C1QTNF3: variants seen among roughly 807,000 people sequenced by gnomAD.
C1QTNF3 encodes the protein complement C1q tumor necrosis factor-related protein 3.
Under a neutral mutation model 32.6 loss-of-function variants are expected in C1QTNF3, and 26 were observed. That is an observed-to-expected ratio of 0.80 (90% CI 0.58 to 1.11). The LOEUF (loss-of-function observed/expected upper bound fraction) is 1.11, where lower values mean the gene tolerates loss of function less well. C1QTNF3 is among the 50% of genes least tolerant of loss of function. The pLI is 0.00. For missense variants in C1QTNF3, 362 were observed against 398.2 expected (o/e 0.91, Z 0.77); for synonymous variants, 155 against 146.0 (o/e 1.06, Z -0.44).
rs1256595254 is a variant in C1QTNF3 at position 34,017,952 on chromosome 5, TTAAA to T, written c.*2627_*2630del. On this transcript the variant is annotated 3_prime_UTR_variant, in exon 6 of 6. Coordinates refer to ENST00000382065, the MANE Select transcript of C1QTNF3 (RefSeq NM_181435.6). ...AATAATATTTTCCAAAACAGGAAAGTTAAATAAATTATGCAGTCATTAAAATTAT... is the reference window on the plus strand; with the variant it reads ...AATAATATTTTCCAAAACAGGAAAGTTAAATTATGCAGTCATTAAAATTAT... Among the ~76,000 whole-genome samples, 1 of 152,046 alleles carries T rather than the reference TTAAA, an allele frequency of 6.6e-6. No individual in the cohort carries two copies. The highest frequency in any genetic ancestry group is 6.5e-5 in the Admixed American group (1 of 15,268).
chr5:34,051,523 AATTAATGG>A, the C1QTNF3 span, among the ~76,000 whole-genome samples: 1 of 152,304 alleles, frequency 6.6e-6, no homozygotes, highest in East Asian at 1.9e-4. Context: ...ATATAAACCA[AATTAATGG>A]ATTAAGTATG....
the C1QTNF3 span, among the ~76,000 whole-genome samples, chr5:34,214,259 A>G: frequency 1.3e-5 from 2 of 152,106 alleles, no homozygotes; most frequent in African/African-American, 4.8e-5. Context: ...AAAATTAAGA[A>G]TTGTATTAAA....
the C1QTNF3 span, among the ~76,000 whole-genome samples, chr5:34,219,433 A>G: frequency 6.6e-6 from 1 of 151,960 alleles, no homozygotes; most frequent in Non-Finnish European, 1.5e-5. Context: ...ATATGGTAAA[A>G]AAAAAAACTG....
At chr5:34,209,455 A>T in the C1QTNF3 span, among the ~76,000 whole-genome samples, 1 of 151,114 alleles carries the variant, frequency 6.6e-6, no homozygotes, top group Non-Finnish European at 1.5e-5. Context: ...TTTGTTTAGA[A>T]ATAAAATAAA....
chr5:34,134,236 A>C, the C1QTNF3 span, among the ~76,000 whole-genome samples: 86 of 152,286 alleles, frequency 5.6e-4, no homozygotes, highest in African/African-American at 2.0e-3. Flanking sequence ...GAGCCAATTA[A>C]ATTTTTTTTT....
the C1QTNF3 span, among the ~76,000 whole-genome samples, chr5:34,179,438 C>T: frequency 6.6e-4 from 99 of 150,976 alleles, no homozygotes; most frequent in African/African-American, 2.3e-3. Context: ...GCCGAAATCA[C>T]GCTACTGCAC....
At chr5:34,230,751 C>A in the C1QTNF3 span, among the ~76,000 whole-genome samples, 2 of 152,000 alleles carry the variant, frequency 1.3e-5, no homozygotes, top group Non-Finnish European at 2.9e-5. Flanking sequence ...CAGAATTGAT[C>A]CAGATTTCCA....
At chr5:34,078,472 A>G in the C1QTNF3 span, among the ~76,000 whole-genome samples, 2 of 151,842 alleles carry the variant, frequency 1.3e-5, no homozygotes, top group African/African-American at 4.9e-5. This position sits in a 1 kb window ranked among gnomAD's most constrained non-coding sequence, Gnocchi z 4.0. Context: ...GGAGAGAAGG[A>G]GAACAGGAGA....
At chr5:34,126,328 T>G in the C1QTNF3 span, among the ~76,000 whole-genome samples, 2 of 150,384 alleles carry the variant, frequency 1.3e-5, no homozygotes, top group African/African-American at 4.9e-5. Flanking sequence ...AGAAGAGTCT[T>G]GCATAAGAAC....
the C1QTNF3 span, among the ~76,000 whole-genome samples, chr5:34,084,199 T>C: frequency 0.065 from 9,891 of 151,748 alleles, 1,306 homozygotes; most frequent in African/African-American, 0.22. Flanking sequence ...CAGTGTCTAA[T>C]GGTGACGTTC....
chr5:34,075,365 T>TA, the C1QTNF3 span, among the ~76,000 whole-genome samples: 1 of 151,830 alleles, frequency 6.6e-6, no homozygotes, highest in East Asian at 1.9e-4. Context: ...TACCGGGAAA[T>TA]ACTGCAATTT....
Position 34,017,938 on chromosome 5 carries a change from C to T in C1QTNF3, c.*2645G>A, listed in dbSNP as rs1754234901. On this transcript the variant is annotated 3_prime_UTR_variant, in exon 6 of 6. Coordinates refer to ENST00000382065, the MANE Select transcript of C1QTNF3 (RefSeq NM_181435.6). ...TGTAATAAAAAAAAAATAATATTTT[C>T]CAAAACAGGAAAGTTAAATAAATTA... Among the ~76,000 whole-genome samples, 3 of 151,594 alleles carry T rather than the reference C, an allele frequency of 2.0e-5. No homozygotes were observed. Among genetic ancestry groups the T allele is most frequent in the Admixed American group, 1.3e-4 (2 of 15,214 alleles).
chr5:34,054,537 T>C, the C1QTNF3 span, among the ~76,000 whole-genome samples: 1 of 152,154 alleles, frequency 6.6e-6, no homozygotes, highest in Non-Finnish European at 1.5e-5. Context: ...CCAACAAAAC[T>C]TTATTTATAA....
chr5:34,243,634 A>G, the C1QTNF3 span, among the ~76,000 whole-genome samples: 2 of 152,158 alleles, frequency 1.3e-5, no homozygotes, highest in African/African-American at 4.8e-5. Flanking sequence ...CTATGCCTCC[A>G]TAAAAAAGAA....
At chr5:34,133,917 G>A in the C1QTNF3 span, among the ~76,000 whole-genome samples, 1 of 152,142 alleles carries the variant, frequency 6.6e-6, no homozygotes, top group Non-Finnish European at 1.5e-5. Flanking sequence ...AGTAATTAAG[G>A]TAATCTTTAT....
intron 1 of C1QTNF3, among the ~76,000 whole-genome samples, chr5:34,037,129 GAC>G (rs999343301): frequency 4.6e-5 from 7 of 152,200 alleles, no homozygotes; most frequent in African/African-American, 1.2e-4. Flanking sequence ...GAAGTTGATT[GAC>G]AGAAGAGTTA....
the C1QTNF3 span, among the ~76,000 whole-genome samples, chr5:34,064,634 ATCTGGAGGGGTGG>A: frequency 3.3e-5 from 5 of 152,164 alleles, no homozygotes; most frequent in Admixed American, 3.3e-4. Context: ...ACACTGCCGG[ATCTGGAGGGGTGG>A]AAGTCAATGG....
the C1QTNF3 span, among the ~76,000 whole-genome samples, chr5:34,057,093 G>T: frequency 6.6e-6 from 1 of 152,086 alleles, no homozygotes; most frequent in African/African-American, 2.4e-5. Context: ...ATTTCCAACT[G>T]TACATCCATC....
chr5:34,133,384 T>C, the C1QTNF3 span, among the ~76,000 whole-genome samples: 34 of 152,242 alleles, frequency 2.2e-4, no homozygotes, highest in East Asian at 4.4e-3. Context: ...TTCCTATTTT[T>C]TCTTGTAAGT....
Sources: gnomAD v4.1 joint callset for allele counts (sites outside exome capture counted in the v4.1 genomes callset) on GRCh38, gnomAD v4.1.1 for gene constraint, Gnocchi (gnomAD v3.1) non-coding constraint, MANE v1.5 for transcripts, NCBI Gene and HGNC (gene_info 2026-07-23, HGNC 2026-07-21) for gene names.